The following ULK4 variants were observed in gnomAD, a reference collection of about 807,000 sequenced individuals.
ULK4 encodes the protein unc-51 like kinase 4.
In ULK4, 133 loss-of-function variants were observed where a neutral mutation model predicts 160.6. That is an observed-to-expected ratio of 0.83 (90% CI 0.72 to 0.96). ULK4 has a LOEUF of 0.96. Among genes scored for constraint, ULK4 ranks in the 40% least tolerant of loss-of-function variants. The pLI is 0.00. For missense variants in ULK4, 1,580 were observed against 1,499.5 expected, an observed-to-expected ratio of 1.05 and a Z score of -0.89; for synonymous variants, 534 against 539.8, an observed-to-expected ratio of 0.99 and a Z score of 0.15.
intron 21 of ULK4, among the ~76,000 whole-genome samples, chr3:41,787,316 T>C (rs923740156): frequency 7.2e-5 from 11 of 152,072 alleles, no homozygotes; most frequent in Non-Finnish European, 1.6e-4. Context: ...TCCATTCCAC[T>C]CCACCAGCAT....
chr3:41,274,423 T>G (rs9311266), intron 35 of ULK4, among the ~76,000 whole-genome samples: 25,984 of 152,180 alleles, frequency 0.17, 2,763 homozygotes, highest in African/African-American at 0.29. Context: ...TGTGTGGGAA[T>G]GTCTGAGATG....
chr3:41,900,829 T>C lies in ULK4; in HGVS notation c.1183A>G (p.Ile395Val). ...SPQKTSPLTKITSGHLSQQDL... is the reference protein window; with the variant it reads ...SPQKTSPLTKVTSGHLSQQDL... ...TGCTGACTCAGGTGTCCACTTGTAA[T>C]CTGAAATGAGAACAAAAATTAGACT... is the stretch of plus-strand genomic sequence containing the variant. The change falls in exon 13 of 37, where the codon ATT (isoleucine) becomes GTT (valine). Residue 395 changes from isoleucine to valine, a missense_variant and splice_region_variant. Transcript: ENST00000301831. The C allele has an allele frequency of 6.2e-7, 1 of 1,611,738 alleles. No homozygotes were observed. The highest frequency in any genetic ancestry group is 2.2e-5 in the East Asian group (1 of 44,860).
intron 27 of ULK4, among the ~76,000 whole-genome samples, chr3:41,690,159 G>T (rs1184311824): frequency 1.4e-5 from 2 of 147,940 alleles, no homozygotes; most frequent in African/African-American, 5.0e-5. Context: ...GATGAAATTG[G>T]AAATCATCAT....
At chr3:41,856,461 G>A (rs1004703631) in intron 17 of ULK4, among the ~76,000 whole-genome samples, 14 of 142,370 alleles carry the variant, frequency 9.8e-5, no homozygotes, top group Admixed American at 8.7e-4. Context: ...CACCAAAGCA[G>A]GAATGGGATA....
intron 2 of ULK4, among the ~76,000 whole-genome samples, chr3:41,940,700 A>C (rs1367369162): frequency 3.9e-5 from 6 of 152,164 alleles, no homozygotes; most frequent in African/African-American, 7.2e-5. Context: ...TTTTCTATTC[A>C]ATAAATATAA....
chr3:41,347,696 A>C (rs1575454633), intron 35 of ULK4, among the ~76,000 whole-genome samples: 2 of 152,118 alleles, frequency 1.3e-5, no homozygotes, highest in East Asian at 3.9e-4. Flanking sequence ...CTTGTCTAAG[A>C]AACTCGCCAT....
chr3:41,307,379 T>C (rs1231773789), intron 35 of ULK4, among the ~76,000 whole-genome samples: 1 of 152,178 alleles, frequency 6.6e-6, no homozygotes, highest in East Asian at 1.9e-4. Context: ...AGGTGCTTTT[T>C]TCTTTTAAAC....
intron 22 of ULK4, among the ~76,000 whole-genome samples, chr3:41,727,000 A>G (rs1458441091): frequency 6.6e-6 from 1 of 152,038 alleles, no homozygotes; most frequent in Non-Finnish European, 1.5e-5. Context: ...TTCCCAAACT[A>G]CTGTCACTCA....
At chr3:41,706,894 T>TACAG (rs1317838709) in intron 25 of ULK4, among the ~76,000 whole-genome samples, 1 of 130,118 alleles carries the variant, frequency 7.7e-6, no homozygotes, top group Admixed American at 7.1e-5. Context: ...TGTGTGTATA[T>TACAG]ATATATAGAG....
At chr3:41,315,943 A>G (rs2125724919) in intron 35 of ULK4, among the ~76,000 whole-genome samples, 1 of 152,344 alleles carries the variant, frequency 6.6e-6, no homozygotes, top group Non-Finnish European at 1.5e-5. Flanking sequence ...CACTGCTGGT[A>G]GGACTATAAA....
chr3:41,443,880 C>CA (rs1367091656), intron 34 of ULK4, among the ~76,000 whole-genome samples: 4 of 152,002 alleles, frequency 2.6e-5, no homozygotes, highest in Admixed American at 6.6e-5. Context: ...GCTCAGGAAA[C>CA]ATGATATTGT....
At chr3:41,507,843 C>A (rs1051094585) in intron 32 of ULK4, among the ~76,000 whole-genome samples, 1 of 152,158 alleles carries the variant, frequency 6.6e-6, no homozygotes, top group Non-Finnish European at 1.5e-5. Flanking sequence ...TTGCAGCTCC[C>A]ACTAGAACAG....
intron 5 of ULK4, among the ~76,000 whole-genome samples, chr3:41,926,444 C>T (rs941862100): frequency 1.3e-5 from 2 of 152,132 alleles, no homozygotes; most frequent in Non-Finnish European, 2.9e-5. Flanking sequence ...CTCTTCTCCT[C>T]CAAAGGATCA....
Position 41,645,734 on chromosome 3 carries a change from T to A in ULK4, c.3071+17873A>T, listed in dbSNP as rs1427724086. Among the ~76,000 whole-genome samples the A allele has an allele frequency of 3.9e-5, 6 of 152,170 alleles. No individual in the cohort carries two copies. The East Asian group carries it at 1.2e-3, about 29-fold the overall frequency. On this transcript the variant is annotated intron_variant, in intron 30 of 36. Transcript: ENST00000301831. The stretch of plus-strand genomic sequence containing the variant: ...TGCTTGGTGCAGAGCTGAGTTCAAT[T>A]CCTGGGTATCCTTGTTAACTTTCTG...
At chr3:41,812,229 G>C (rs1242985387) in intron 19 of ULK4, among the ~76,000 whole-genome samples, 2 of 152,176 alleles carry the variant, frequency 1.3e-5, no homozygotes, top group Non-Finnish European at 2.9e-5. Flanking sequence ...AGGCTGCAGT[G>C]AACAGTGATC....
At chr3:41,635,017 G>A (rs1167019231) in intron 30 of ULK4, among the ~76,000 whole-genome samples, 3 of 152,132 alleles carry the variant, frequency 2.0e-5, no homozygotes, top group African/African-American at 4.8e-5. Context: ...GATGGAAGGC[G>A]AAAGAACATC....
intron 35 of ULK4, among the ~76,000 whole-genome samples, chr3:41,323,401 C>CACACAT (rs2080283311): frequency 7.1e-6 from 1 of 141,044 alleles, no homozygotes; most frequent in Admixed American, 6.8e-5. Flanking sequence ...AACACACACA[C>CACACAT]ACACACACAC....
intron 8 of ULK4, among the ~76,000 whole-genome samples, chr3:41,915,197 C>G (rs949066110): frequency 6.6e-6 from 1 of 152,138 alleles, no homozygotes; most frequent in Admixed American, 6.6e-5. Context: ...CAAAATAACA[C>G]TAATGTTGAA....
chr3:41,759,073 A>G (rs891215635), intron 21 of ULK4, among the ~76,000 whole-genome samples: 6 of 152,196 alleles, frequency 3.9e-5, no homozygotes, highest in Non-Finnish European at 7.3e-5. Context: ...CCTACAGCTA[A>G]CATCATACTT....
Sources: allele counts gnomAD v4.1 joint callset (sites outside exome capture counted in the v4.1 genomes callset), GRCh38; gene constraint gnomAD v4.1.1; transcripts MANE v1.5; gene names NCBI Gene and HGNC (gene_info 2026-07-23, HGNC 2026-07-21).